The following STAG2 variants were observed in gnomAD, a reference collection of about 807,000 sequenced individuals.
STAG2 encodes STAG2 cohesin complex component.
STAG2 carries 14 observed loss-of-function variants against 108.1 expected under a neutral mutation model. The observed-to-expected ratio is 0.13, with a 90% confidence interval of 0.09 to 0.20. The LOEUF (loss-of-function observed/expected upper bound fraction) is 0.20. STAG2 is among the 10% of genes least tolerant of loss of function. STAG2 has a pLI of 1.00. For missense variants in STAG2, 440 were observed against 940.9 expected (o/e 0.47, Z 6.96); for synonymous variants, 307 against 302.7 (o/e 1.01, Z -0.15).
intron 1 of STAG2, among the ~76,000 whole-genome samples, chrX:123,979,776 C>T (rs1414427417): frequency 9.0e-6 from 1 of 111,450 alleles, no homozygotes; most frequent in Non-Finnish European, 1.9e-5. Flanking sequence ...CCCAAAGATT[C>T]TTTGAGTGAC....
At chrX:124,088,762 G>GCC (rs1449325874) in intron 30 of STAG2, among the ~76,000 whole-genome samples, 13 of 102,698 alleles carry the variant, frequency 1.3e-4, no homozygotes, top group Middle Eastern at 5.6e-3. Context: ...TTACAGGCAT[G>GCC]CGCCACCACA....
chrX:124,064,303 C>T (rs2058459070), intron 20 of STAG2, among the ~76,000 whole-genome samples: 1 of 111,146 alleles, frequency 9.0e-6, no homozygotes, highest in Non-Finnish European at 1.9e-5. Flanking sequence ...TGAACAGTTA[C>T]CTGGTTTTTA....
intron 29 of STAG2, among the ~76,000 whole-genome samples, chrX:124,083,899 A>G (rs2059027142): frequency 8.9e-6 from 1 of 111,781 alleles, no homozygotes; most frequent in East Asian, 2.8e-4. Flanking sequence ...CTGGGACTGT[A>G]GGCAGGAACC....
At chrX:124,022,801 A>G (rs914926325) in intron 3 of STAG2, 130 bp downstream of exon 3, 62 of 416,497 alleles carry the variant, frequency 1.5e-4, no homozygotes, top group African/African-American at 1.4e-3. Flanking sequence ...ATGCTTTGCA[A>G]GAGTTTATAT....
chrX:124,037,822 G>C (rs1173640758), intron 6 of STAG2, among the ~76,000 whole-genome samples, 199 bp downstream of exon 6: 1 of 112,462 alleles, frequency 8.9e-6, no homozygotes, highest in African/African-American at 3.2e-5. Context: ...ATTCATATGT[G>C]AAAGTTATCT....
chrX:124,071,136 T>TC lies in STAG2; in HGVS notation c.2359-13_2359-12insC. ...TTATAGCATGCTTTCCTCTTTTTTT[T>TC]TTTTTTAAATAGGCCTTCACTATTC... is the stretch of plus-strand genomic sequence containing the variant. On this transcript the variant is annotated splice_polypyrimidine_tract_variant and intron_variant, in intron 24 of 34. Coordinates refer to ENST00000371145, the MANE Select transcript of STAG2 (RefSeq NM_001042750.2). 1 of 1,088,717 alleles carries TC rather than the reference T, an allele frequency of 9.2e-7. No homozygotes were observed. 89.7% of individuals were successfully genotyped at this position (1,088,717 alleles called of 1,213,427 possible). A position where few individuals can be genotyped will look rare whatever the true frequency, so the allele number is the denominator to read the frequency against.
chrX:124,037,097 G>C (rs62604418), intron 5 of STAG2, among the ~76,000 whole-genome samples: 1,823 of 110,618 alleles, frequency 0.016, 24 homozygotes, highest in Middle Eastern at 0.11. Context: ...TGTCAGCCAG[G>C]CTGGTCTCGA....
At chrX:123,992,084 A>T (rs966130237) in intron 1 of STAG2, among the ~76,000 whole-genome samples, 1 of 112,177 alleles carries the variant, frequency 8.9e-6, no homozygotes, top group African/African-American at 3.2e-5. Context: ...ATTTTATATA[A>T]GGGACTTGAG....
At chrX:124,031,560 G>T (rs1181213992) in intron 5 of STAG2, among the ~76,000 whole-genome samples, 2 of 72,647 alleles carry the variant, frequency 2.8e-5, no homozygotes, top group Non-Finnish European at 6.0e-5. Flanking sequence ...TGTTTTTTTT[G>T]TTTTTTTGTT....
At position 124,056,116 on chromosome X, in the gene STAG2, C is replaced by T. The variant is rs746083393; in HGVS notation, c.1197-12C>T. On this transcript the variant is annotated splice_polypyrimidine_tract_variant and intron_variant, in intron 13 of 34. Transcript: ENST00000371145. ...ACGTTACTAAAAGCACCTGTTACTGCTTATTTCTTAGGAGTAGTGAAGAAG... is the reference window on the plus strand; with the variant it reads ...ACGTTACTAAAAGCACCTGTTACTGTTTATTTCTTAGGAGTAGTGAAGAAG... The T allele has an allele frequency of 2.6e-6, 3 of 1,160,671 alleles. No homozygotes were observed. The highest frequency in any genetic ancestry group is 2.2e-5 in the Admixed American group (1 of 44,763).
At chrX:123,995,624 G>C (rs963201515) in intron 1 of STAG2, among the ~76,000 whole-genome samples, 2 of 110,557 alleles carry the variant, frequency 1.8e-5, no homozygotes, top group Non-Finnish European at 3.8e-5. Flanking sequence ...AACCCGGGAG[G>C]CAGAGCTTGC....
intron 34 of STAG2, chrX:124,097,711 A>G (rs1272930978): frequency 5.9e-6 from 2 of 337,772 alleles, no homozygotes; most frequent in South Asian, 5.2e-5. Context: ...TTCCACTTTC[A>G]TACCATAGCA....
At chrX:124,061,947 T>C in intron 17 of STAG2, 73 bp downstream of exon 17, 1 of 820,921 alleles carries the variant, frequency 1.2e-6, no homozygotes, top group Non-Finnish European at 1.7e-6. Context: ...AAAAATTCCA[T>C]TTTAGCCATG....
intron 7 of STAG2, among the ~76,000 whole-genome samples, chrX:124,042,923 G>A (rs1293718720): frequency 9.4e-6 from 1 of 106,668 alleles, no homozygotes; most frequent in Non-Finnish European, 1.9e-5. Context: ...GCTGAGATAG[G>A]AGAATTGCTT....
intron 4 of STAG2, among the ~76,000 whole-genome samples, chrX:124,028,993 A>T (rs899656226): frequency 5.2e-4 from 33 of 63,641 alleles, no homozygotes; most frequent in Non-Finnish European, 7.8e-4. Flanking sequence ...ATTTATATAT[A>T]TATATATATA....
At chrX:124,026,938 G>T (rs1012130621) in intron 4 of STAG2, among the ~76,000 whole-genome samples, 7 of 110,855 alleles carry the variant, frequency 6.3e-5, no homozygotes, top group African/African-American at 2.3e-4. Flanking sequence ...GCCTAGACTG[G>T]AGTGCAGTGG....
intron 24 of STAG2, among the ~76,000 whole-genome samples, chrX:124,070,820 G>C (rs79032694): frequency 0.034 from 3,791 of 111,419 alleles, 64 homozygotes; most frequent in Non-Finnish European, 0.048. Context: ...TTTGGAGTTA[G>C]AAAACATGAG....
chrX:124,102,197 C>T lies in STAG2; in HGVS notation c.*1600C>T. ...CAGACTTGTCTAACAGATTTTCCAT[C>T]AACAAATATTGTTATGTGCAAAAGT... is the stretch of plus-strand genomic sequence containing the variant. On this transcript the variant is annotated 3_prime_UTR_variant, in exon 35 of 35. Coordinates refer to ENST00000371145, the MANE Select transcript of STAG2 (RefSeq NM_001042750.2). The T allele has an allele frequency of 6.3e-6, 1 of 159,262 alleles. No individual in the cohort carries two copies. Among genetic ancestry groups the T allele is most frequent in the Non-Finnish European group, 1.2e-5 (1 of 81,059 alleles). The allele number at this position is 159,262 out of a possible 1,213,427, so 13.1% of individuals were successfully genotyped here.
chrX:124,074,200 C>T (rs759361808), intron 25 of STAG2, among the ~76,000 whole-genome samples: 2 of 112,618 alleles, frequency 1.8e-5, no homozygotes, highest in East Asian at 5.5e-4. Flanking sequence ...AGGCACATGC[C>T]ACTGCACCCA....
Sources: allele counts gnomAD v4.1 joint callset (sites outside exome capture counted in the v4.1 genomes callset), GRCh38; gene constraint gnomAD v4.1.1; transcripts MANE v1.5; gene names NCBI Gene and HGNC (gene_info 2026-07-23, HGNC 2026-07-21).